NBN: variants seen among roughly 807,000 people sequenced by gnomAD.
NBN encodes the protein Nijmegen breakage syndrome 1 (nibrin).
Under a neutral mutation model 90.8 loss-of-function variants are expected in NBN, and 88 were observed. The ratio of observed to expected loss-of-function variants is 0.97; its 90% CI spans 0.82 to 1.16. The LOEUF (loss-of-function observed/expected upper bound fraction) is 1.16. NBN is among the 50% of genes most tolerant of loss of function. NBN has a pLI of 0.00. For synonymous variants in NBN, 328 were observed against 295.1 expected, an observed-to-expected ratio of 1.11 and a Z score of -1.14; for missense variants, 894 against 869.6, an observed-to-expected ratio of 1.03 and a Z score of -0.35.
rs10631091 is a variant in NBN at position 89,943,038 on chromosome 8, CT to C, written c.2184+214del. 0.024 allele frequency among the ~76,000 whole-genome samples: 3,388 copies of C among 139,578 alleles called. 93 individuals are homozygous for C. The highest frequency in any genetic ancestry group is 0.075 in the African/African-American group (2,878 of 38,358). 91.6% of individuals were successfully genotyped at this position (139,578 alleles called of 152,430 possible). The stretch of plus-strand genomic sequence containing the variant: ...GTAAACTGAATTTCTTAGGTCTCAC[CT>C]TTTTTTTTTTTTTTAACAAAAATAA... On this transcript the variant is annotated intron_variant, in intron 14 of 15. Transcript: ENST00000265433.
intron 8 of NBN, among the ~76,000 whole-genome samples, chr8:89,962,417 G>A (rs1427138807): frequency 1.3e-5 from 2 of 152,228 alleles, no homozygotes; most frequent in Admixed American, 6.5e-5. Context: ...TTTTCTGTAA[G>A]AGAACAGAAA....
At chr8:89,978,426 AAAT>A (rs1213267523) in intron 4 of NBN, 103 bp from the exon 5 acceptor site, 9 of 908,376 alleles carry the variant, frequency 9.9e-6, no homozygotes, top group Non-Finnish European at 1.5e-5. Context: ...CATCCATAAA[AAAT>A]AATGTTTTCC....
At chr8:89,953,757 T>A (rs1027822672) in intron 10 of NBN, 66 bp from the exon 11 acceptor site, 1 of 1,268,876 alleles carries the variant, frequency 7.9e-7, no homozygotes, top group Non-Finnish European at 1.1e-6. Context: ...ACCATTTAGT[T>A]TGGCAATATT....
intron 5 of NBN, among the ~76,000 whole-genome samples, chr8:89,977,154 C>T (rs2129879756): frequency 6.6e-6 from 1 of 152,162 alleles, no homozygotes; most frequent in East Asian, 1.9e-4. Context: ...CTGCACCTAT[C>T]AACCTGTCAT....
intron 5 of NBN, among the ~76,000 whole-genome samples, chr8:89,976,847 T>C (rs1029590120): frequency 6.6e-6 from 1 of 152,124 alleles, no homozygotes; most frequent in Non-Finnish European, 1.5e-5. Context: ...TCACATTACC[T>C]GCCAACTGGA....
At chr8:89,983,261 T>C (rs773012427) in intron 1 of NBN, among the ~76,000 whole-genome samples, 10 of 152,082 alleles carry the variant, frequency 6.6e-5, no homozygotes, top group Non-Finnish European at 1.5e-4. Flanking sequence ...TGTTTGGAAC[T>C]TGATAAACAA....
In NBN at chr8:89,947,854, T is replaced by C. The variant is rs771709611; in HGVS notation, c.1884A>G (p.Glu628=). 1.3e-6 allele frequency: 2 copies of C among 1,582,876 alleles called. No individual in the cohort carries two copies. The highest frequency in any genetic ancestry group is 1.1e-5 in the South Asian group (1 of 88,972). The change falls in exon 12 of 16, where the codon GAA becomes GAG. Residue 628 remains glutamate, a synonymous_variant. Transcript: ENST00000265433. Reference sequence around the variant, plus strand: ...TTTCTTTAGCTGACCATAGTGAGTCTTCCTTGAGTTCACGTTTCTTCCCAA... The same window carrying C: ...TTTCTTTAGCTGACCATAGTGAGTCCTCCTTGAGTTCACGTTTCTTCCCAA... The part of the protein sequence containing the change: ...NEIGKKRELK[E]DSLWSAKEIS...
chr8:89,958,695 A>G lies in NBN; in HGVS notation c.1124+30T>C, dbSNP rs1349175473. On this transcript the variant is annotated intron_variant, in intron 9 of 15. Transcript: ENST00000265433. ...ACTATTAATTTATTGATAGAATAAT[A>G]ACAATAGTACGGTAATGAAGAAGCT... The G allele has an allele frequency of 3.1e-6, 5 of 1,605,830 alleles. No individual in the cohort carries two copies. The African/African-American group carries it at 6.7e-5, about 21-fold the overall frequency.
intron 14 of NBN, among the ~76,000 whole-genome samples, chr8:89,937,753 T>TAGGAAAGTGA (rs1809759658): frequency 1.3e-5 from 2 of 152,202 alleles, no homozygotes; most frequent in Non-Finnish European, 2.9e-5. Flanking sequence ...CTGGTTCCAT[T>TAGGAAAGTGA]TTACTTTCCT....
At chr8:89,943,811 T>C (rs763623436) in intron 13 of NBN, among the ~76,000 whole-genome samples, 4 of 152,130 alleles carry the variant, frequency 2.6e-5, no homozygotes, top group Non-Finnish European at 5.9e-5. Flanking sequence ...GCAGGAGATG[T>C]TGGGGATGCC....
chr8:89,942,171 G>A (rs1377099515), intron 14 of NBN, among the ~76,000 whole-genome samples: 1 of 152,118 alleles, frequency 6.6e-6, no homozygotes, highest in Non-Finnish European at 1.5e-5. Flanking sequence ...AAGGAGCTAG[G>A]AAAGAAACTT....
rs572299316 is a variant in NBN at position 89,962,639 on chromosome 8, C to T, written c.994+1771G>A. 1.7e-4 allele frequency among the ~76,000 whole-genome samples: 26 copies of T among 152,182 alleles called. No individual in the cohort carries two copies. In the South Asian group the frequency reaches 3.5e-3, roughly 21 times the overall value. On this transcript the variant is annotated intron_variant, in intron 8 of 15. Transcript: ENST00000265433. ...TTTGGTGAAAATATTAATCATATCA[C>T]GATTCCACCAAAATAAGTGATTTGG...
At chr8:89,959,228 T>C (rs530263841) in intron 8 of NBN, among the ~76,000 whole-genome samples, 2 of 152,324 alleles carry the variant, frequency 1.3e-5, no homozygotes, top group East Asian at 1.9e-4. Context: ...AAATCAGAAT[T>C]AGTGAGTTTT....
rs753270166 is a variant in NBN at position 89,943,296 on chromosome 8, C to A, written c.2141G>T (p.Arg714Leu). ...CCACTCTTCTAGTTCTGTATTCTTT[C>A]GAGCATGATGAGCTATTAGATCTGA... ...GGSDLIAHHA[R>L]KNTELEEWLR... Residue 714 changes from arginine (R) to leucine (L), a missense_variant, in exon 14 of 16, where the codon CGA becomes CTA. Physicochemically the swap from Arg to Leu is moderately radical, Grantham distance 102. Transcript: ENST00000265433. 1 of 1,613,614 alleles carries A rather than the reference C, an allele frequency of 6.2e-7. No homozygotes were observed. The highest frequency in any genetic ancestry group is 1.1e-5 in the South Asian group (1 of 91,068).
chr8:89,943,397 C>G, intron 13 of NBN, 31 bp from the exon 14 acceptor site: 1 of 1,583,882 alleles, frequency 6.3e-7, no homozygotes, highest in Middle Eastern at 1.7e-4. Context: ...TACAGTAAAT[C>G]ATATTAACAA....
chr8:89,963,986 C>A (rs995385651), intron 8 of NBN, among the ~76,000 whole-genome samples: 6 of 152,192 alleles, frequency 3.9e-5, no homozygotes, highest in African/African-American at 1.4e-4. Context: ...GATCCTCACA[C>A]AGCTGCCTTT....
At chr8:89,943,071 T>C (rs1810022252) in intron 14 of NBN, among the ~76,000 whole-genome samples, 182 bp downstream of exon 14, 1 of 151,728 alleles carries the variant, frequency 6.6e-6, no homozygotes, top group Non-Finnish European at 1.5e-5. Context: ...ATAAATTTAG[T>C]ATTCTTTTAA....
chr8:89,965,101 G>C (rs183997215), intron 7 of NBN, among the ~76,000 whole-genome samples: 1 of 151,290 alleles, frequency 6.6e-6, no homozygotes, highest in African/African-American at 2.4e-5. Flanking sequence ...ATGACAAAGC[G>C]AGACTCCGTC....
intron 2 of NBN, chr8:89,982,413 T>C (rs1162792815): frequency 7.6e-6 from 3 of 395,600 alleles, no homozygotes; most frequent in Non-Finnish European, 9.3e-6. Flanking sequence ...CAATTACTTT[T>C]GCACCAAACT....
Sources: allele counts gnomAD v4.1 joint callset (sites outside exome capture counted in the v4.1 genomes callset), GRCh38; gene constraint gnomAD v4.1.1; transcripts MANE v1.5; gene names NCBI Gene and HGNC (gene_info 2026-07-23, HGNC 2026-07-21).